IMMP2L: variants seen among roughly 807,000 people sequenced by gnomAD.
IMMP2L encodes the protein mitochondrial inner membrane protease subunit 2.
In IMMP2L, 18 loss-of-function variants were observed where a neutral mutation model predicts 19.3. That is an observed-to-expected ratio of 0.93 (90% CI 0.64 to 1.38). The LOEUF is 1.38. IMMP2L is among the 40% of genes most tolerant of loss of function. The pLI, the probability that IMMP2L is intolerant of heterozygous loss-of-function variation, is 0.00. For synonymous variants in IMMP2L, 76 were observed against 73.0 expected (o/e 1.04, Z -0.21); for missense variants, 233 against 218.2 (o/e 1.07, Z -0.43).
intron 5 of IMMP2L, among the ~76,000 whole-genome samples, chr7:110,665,276 A>C (rs1791362326): frequency 6.6e-6 from 1 of 152,304 alleles, no homozygotes; most frequent in East Asian, 1.9e-4. Flanking sequence ...TTTTATGTGT[A>C]TGTACATATA....
intron 5 of IMMP2L, among the ~76,000 whole-genome samples, chr7:110,673,480 T>C (rs1792066281): frequency 6.6e-6 from 1 of 152,278 alleles, no homozygotes; most frequent in Admixed American, 6.5e-5. Flanking sequence ...TGCAAATTTC[T>C]GCAGCTGGGT....
intron 5 of IMMP2L, among the ~76,000 whole-genome samples, chr7:110,835,091 T>G (rs1804316503): frequency 6.6e-6 from 1 of 152,152 alleles, no homozygotes; most frequent in African/African-American, 2.4e-5. Flanking sequence ...CAGAGCACCT[T>G]AGGCAGGAAT....
intron 3 of IMMP2L, among the ~76,000 whole-genome samples, chr7:111,332,459 AG>A (rs750137662): frequency 2.4e-4 from 37 of 152,124 alleles, no homozygotes; most frequent in Middle Eastern, 3.4e-3. Flanking sequence ...TTAACGCTAA[AG>A]CCAAAATCAC....
At chr7:111,507,896 GTT>G (rs1469238610) in intron 2 of IMMP2L, among the ~76,000 whole-genome samples, 10 of 152,110 alleles carry the variant, frequency 6.6e-5, no homozygotes, top group Non-Finnish European at 1.3e-4. Flanking sequence ...GATAGCCTGA[GTT>G]TTTACATGTA....
At chr7:110,847,107 C>CA (rs1454168649) in intron 5 of IMMP2L, among the ~76,000 whole-genome samples, 1 of 152,106 alleles carries the variant, frequency 6.6e-6, no homozygotes, top group African/African-American at 2.4e-5. Flanking sequence ...CAACACAGCA[C>CA]AAAAAATATT....
At chr7:111,422,491 T>A (rs927272715) in intron 3 of IMMP2L, among the ~76,000 whole-genome samples, 3 of 151,830 alleles carry the variant, frequency 2.0e-5, no homozygotes, top group African/African-American at 7.3e-5. Flanking sequence ...CAATTGTGAA[T>A]GGGAGATCAT....
At chr7:111,418,839 A>G (rs978271234) in intron 3 of IMMP2L, among the ~76,000 whole-genome samples, 1 of 151,912 alleles carries the variant, frequency 6.6e-6, no homozygotes, top group Non-Finnish European at 1.5e-5. Context: ...TTATATTTGT[A>G]CACATACAAA....
intron 3 of IMMP2L, among the ~76,000 whole-genome samples, chr7:111,044,061 C>T (rs899897325): frequency 6.6e-6 from 1 of 152,170 alleles, no homozygotes; most frequent in Admixed American, 6.5e-5. Flanking sequence ...TTATGTCAAG[C>T]AACTATATTC....
At chr7:111,134,654 T>C (rs539611213) in intron 3 of IMMP2L, among the ~76,000 whole-genome samples, 7 of 152,216 alleles carry the variant, frequency 4.6e-5, no homozygotes, top group Admixed American at 2.0e-4. Flanking sequence ...CTCTGATACA[T>C]GCATTATGAA....
At chr7:110,891,779 G>A (rs1374786735) in intron 4 of IMMP2L, among the ~76,000 whole-genome samples, 1 of 152,016 alleles carries the variant, frequency 6.6e-6, no homozygotes, top group Non-Finnish European at 1.5e-5. Flanking sequence ...ATTACCATGA[G>A]TTAAAGAAAG....
At chr7:111,480,366 C>A (rs1172637464) in intron 3 of IMMP2L, among the ~76,000 whole-genome samples, 1 of 151,926 alleles carries the variant, frequency 6.6e-6, no homozygotes, top group Admixed American at 6.6e-5. Context: ...AGGCGTGAGC[C>A]ACTGTTCCCG....
intron 2 of IMMP2L, among the ~76,000 whole-genome samples, chr7:111,492,896 T>C (rs539497392): frequency 7.9e-5 from 12 of 152,256 alleles, no homozygotes; most frequent in African/African-American, 2.9e-4. Flanking sequence ...TGCGCTCCCA[T>C]AGCAATGCAG....
intron 3 of IMMP2L, chr7:111,411,630 C>G (rs982607104): frequency 4.3e-5 from 12 of 278,456 alleles, no homozygotes; most frequent in Non-Finnish European, 2.9e-5. Flanking sequence ...AAAATCAACC[C>G]TGAGTGTAAA....
chr7:111,427,924 A>C (rs548313966), intron 3 of IMMP2L, among the ~76,000 whole-genome samples: 1 of 151,982 alleles, frequency 6.6e-6, no homozygotes, highest in South Asian at 2.1e-4. Flanking sequence ...CTTAAGATAT[A>C]GCTATGAATA....
At chr7:111,008,569 CCA>C in intron 3 of IMMP2L, among the ~76,000 whole-genome samples, 1 of 151,912 alleles carries the variant, frequency 6.6e-6, no homozygotes, top group East Asian at 1.9e-4. Context: ...ATATATATGG[CCA>C]CACACGTGCA....
chr7:110,819,190 T>A (rs914198566), intron 5 of IMMP2L, among the ~76,000 whole-genome samples: 1 of 152,034 alleles, frequency 6.6e-6, no homozygotes, highest in Non-Finnish European at 1.5e-5. Flanking sequence ...CCTTTGGAAC[T>A]TCCTTTGGAA....
At chr7:110,998,371 CA>C (rs938151589) in intron 3 of IMMP2L, among the ~76,000 whole-genome samples, 53 of 152,240 alleles carry the variant, frequency 3.5e-4, no homozygotes, top group African/African-American at 1.3e-3. Flanking sequence ...TTGTGAGGAC[CA>C]TACTTGTTCT....
At chr7:111,424,859 A>G (rs1405598466) in intron 3 of IMMP2L, among the ~76,000 whole-genome samples, 1 of 151,832 alleles carries the variant, frequency 6.6e-6, no homozygotes, top group East Asian at 1.9e-4. Context: ...ACAGAATTGT[A>G]TCACATTTGT....
intron 3 of IMMP2L, among the ~76,000 whole-genome samples, chr7:111,314,364 G>T (rs1823827098): frequency 1.3e-5 from 2 of 152,088 alleles, no homozygotes; most frequent in South Asian, 4.1e-4. Context: ...CAAATGAGGA[G>T]ATAATCAGGA....
Sources: allele counts gnomAD v4.1 joint callset (sites outside exome capture counted in the v4.1 genomes callset), GRCh38; gene constraint gnomAD v4.1.1; transcripts MANE v1.5; gene names NCBI Gene and HGNC (gene_info 2026-07-23, HGNC 2026-07-21).